Variants in GPC5 observed in about 807,000 individuals in gnomAD.
GPC5 encodes the protein glypican-5.
In GPC5, 47 loss-of-function variants were observed where a neutral mutation model predicts 53.9. The ratio of observed to expected loss-of-function variants is 0.87; its 90% CI spans 0.69 to 1.11. The LOEUF (loss-of-function observed/expected upper bound fraction) is 1.11, where lower values mean the gene tolerates loss of function less well. Ranked by LOEUF, GPC5 falls within the 50% of genes most tolerant of loss-of-function variation. The probability of loss-of-function intolerance (pLI) is 0.00; values close to 1 mark genes in which losing one functional copy is unlikely to be tolerated. For synonymous variants in GPC5, 286 were observed against 263.3 expected (o/e 1.09, Z -0.84); for missense variants, 748 against 713.1 (o/e 1.05, Z -0.56).
intron 6 of GPC5, among the ~76,000 whole-genome samples, chr13:92,075,100 G>T (rs1462177152): frequency 6.6e-6 from 1 of 152,096 alleles, no homozygotes; most frequent in Non-Finnish European, 1.5e-5. Flanking sequence ...CAGAATGCTT[G>T]AAAGATTCCT....
chr13:91,926,609 C>T (rs2039771166), intron 6 of GPC5, among the ~76,000 whole-genome samples: 1 of 152,134 alleles, frequency 6.6e-6, no homozygotes, highest in South Asian at 2.1e-4. Flanking sequence ...TGTGCAAAAA[C>T]ATGCCGGCTT....
chr13:91,703,828 C>G (rs1457972758), intron 3 of GPC5, among the ~76,000 whole-genome samples: 1 of 151,994 alleles, frequency 6.6e-6, no homozygotes, highest in Non-Finnish European at 1.5e-5. Context: ...TTCCTTAATC[C>G]TTATTGGTCT....
intron 5 of GPC5, among the ~76,000 whole-genome samples, chr13:91,803,013 C>A (rs1460282250): frequency 6.6e-6 from 1 of 151,916 alleles, no homozygotes; most frequent in African/African-American, 2.4e-5. Flanking sequence ...GTGTTTTTTG[C>A]TTCTTTCTTA....
intron 7 of GPC5, among the ~76,000 whole-genome samples, chr13:92,728,672 G>C (rs1289711323): frequency 1.3e-5 from 2 of 151,322 alleles, no homozygotes; most frequent in Non-Finnish European, 3.0e-5. Context: ...ATGTTTTCCT[G>C]GAACAGACTT....
chr13:92,179,207 A>G (rs2042129314), intron 7 of GPC5, among the ~76,000 whole-genome samples: 1 of 152,160 alleles, frequency 6.6e-6, no homozygotes, highest in Non-Finnish European at 1.5e-5. Context: ...GGGGTAAAAC[A>G]AAAACTCTTA....
chr13:92,438,890 AAAGT>A (rs1351344983), intron 7 of GPC5, among the ~76,000 whole-genome samples: 1 of 152,104 alleles, frequency 6.6e-6, no homozygotes, highest in Non-Finnish European at 1.5e-5. Flanking sequence ...CTTGGAAGAG[AAAGT>A]AAGCATGCTG....
At chr13:91,537,039 C>G (rs549032430) in intron 2 of GPC5, among the ~76,000 whole-genome samples, 7 of 152,038 alleles carry the variant, frequency 4.6e-5, no homozygotes, top group Non-Finnish European at 1.0e-4. Context: ...TTATTGGATA[C>G]AGTGAAAACA....
At chr13:92,433,802 G>A (rs1002258071) in intron 7 of GPC5, among the ~76,000 whole-genome samples, 1 of 152,116 alleles carries the variant, frequency 6.6e-6, no homozygotes, top group African/African-American at 2.4e-5. Flanking sequence ...GTAAGAGAAA[G>A]AAATGGTTTG....
intron 7 of GPC5, among the ~76,000 whole-genome samples, chr13:92,834,229 C>T (rs1315162363): frequency 6.6e-6 from 1 of 152,102 alleles, no homozygotes; most frequent in Non-Finnish European, 1.5e-5. Flanking sequence ...TGAAATAAAG[C>T]CTTGTCATTT....
intron 7 of GPC5, among the ~76,000 whole-genome samples, chr13:92,234,096 G>T (rs1256781415): frequency 6.6e-6 from 1 of 152,078 alleles, no homozygotes; most frequent in Non-Finnish European, 1.5e-5. Flanking sequence ...CTTTGCTATT[G>T]TGAATAGTGC....
intron 4 of GPC5, among the ~76,000 whole-genome samples, chr13:91,733,222 C>T (rs1050756056): frequency 3.3e-5 from 5 of 152,034 alleles, no homozygotes; most frequent in African/African-American, 4.8e-5. Flanking sequence ...CTGCAACCTC[C>T]GCCTCCCAGG....
At chr13:91,643,440 T>A (rs2034482749) in intron 2 of GPC5, among the ~76,000 whole-genome samples, 1 of 152,196 alleles carries the variant, frequency 6.6e-6, no homozygotes, top group Non-Finnish European at 1.5e-5. Context: ...TGATGTAAAA[T>A]ATACACCAGA....
At chr13:92,383,719 A>G (rs2139311483) in intron 7 of GPC5, among the ~76,000 whole-genome samples, 1 of 152,330 alleles carries the variant, frequency 6.6e-6, no homozygotes, top group Admixed American at 6.5e-5. Flanking sequence ...TTTCAAGCAC[A>G]TGAGAAAGAT....
rs117324558 is a variant in GPC5, at chr13:91,635,905, A to G, written c.326-57282A>G. Reference sequence around the variant, plus strand: ...ACAATGTAGAGTCTTCCTATTCAAGAAGAAGATGATATCTCTACATTCATG... The same window carrying G: ...ACAATGTAGAGTCTTCCTATTCAAGGAGAAGATGATATCTCTACATTCATG... On this transcript the variant is annotated intron_variant, in intron 2 of 7. Coordinates refer to ENST00000377067, the MANE Select transcript of GPC5 (RefSeq NM_004466.6). Among the ~76,000 whole-genome samples the G allele has an allele frequency of 8.2e-3, 1,246 of 152,256 alleles. 6 individuals are homozygous for G. Among genetic ancestry groups the G allele is most frequent in the Non-Finnish European group, 0.014 (976 of 67,986 alleles).
At chr13:92,840,323 G>T (rs1313481651) in intron 7 of GPC5, among the ~76,000 whole-genome samples, 2 of 151,624 alleles carry the variant, frequency 1.3e-5, no homozygotes, top group Non-Finnish European at 2.9e-5. Flanking sequence ...TTTGGCTATT[G>T]TGAATAGTGC....
intron 7 of GPC5, among the ~76,000 whole-genome samples, chr13:92,377,611 A>G (rs2043705651): frequency 6.6e-6 from 1 of 152,202 alleles, no homozygotes; most frequent in Non-Finnish European, 1.5e-5. Context: ...AAGCAAAAGC[A>G]TACTAACTTA....
chr13:92,373,824 C>T (rs12583412), intron 7 of GPC5, among the ~76,000 whole-genome samples: 22,307 of 152,126 alleles, frequency 0.15, 2,125 homozygotes, highest in East Asian at 0.39. Flanking sequence ...AATTCTGCCA[C>T]AACTATCCAA....
intron 7 of GPC5, among the ~76,000 whole-genome samples, chr13:92,247,886 A>T (rs2042664283): frequency 1.3e-5 from 2 of 152,182 alleles, no homozygotes; most frequent in Admixed American, 1.3e-4. Flanking sequence ...ACTTATTTTA[A>T]CCTGAGTTAG....
chr13:91,798,983 T>C (rs2038091884), intron 5 of GPC5, among the ~76,000 whole-genome samples: 1 of 152,214 alleles, frequency 6.6e-6, no homozygotes, highest in Non-Finnish European at 1.5e-5. Context: ...TTTTTTCATA[T>C]GTTTATTGGC....
Sources: allele counts gnomAD v4.1 joint callset (sites outside exome capture counted in the v4.1 genomes callset), GRCh38; gene constraint gnomAD v4.1.1; transcripts MANE v1.5; gene names NCBI Gene and HGNC (gene_info 2026-07-23, HGNC 2026-07-21).